The following LURAP1L variants were observed in gnomAD, a reference collection of about 807,000 sequenced individuals.
The protein encoded by LURAP1L is leucine rich adaptor protein 1 like, also known as leucine rich adaptor protein 1-like.
In LURAP1L, 12 loss-of-function variants were observed where a neutral mutation model predicts 13.8. That is an observed-to-expected ratio of 0.87 (90% CI 0.56 to 1.41). LURAP1L has a LOEUF of 1.41. Among genes scored for constraint, LURAP1L ranks in the 40% most tolerant of loss-of-function variants. The pLI, the probability that LURAP1L is intolerant of heterozygous loss-of-function variation, is 0.00. For missense variants in LURAP1L, 375 were observed against 292.9 expected (o/e 1.28, Z -2.04); for synonymous variants, 139 against 119.2 (o/e 1.17, Z -1.08).
intron 1 of LURAP1L, chr9:12,790,803 C>T (rs1054422030): frequency 2.7e-5 from 4 of 150,098 alleles, no homozygotes; most frequent in Admixed American, 2.7e-4. Context: ...TAGTTTTTGG[C>T]ATCTTCTTTT....
intron 1 of LURAP1L, among the ~76,000 whole-genome samples, chr9:12,778,155 A>C (rs1819217773): frequency 1.3e-5 from 2 of 152,118 alleles, no homozygotes; most frequent in African/African-American, 4.8e-5. Flanking sequence ...GAAGCTTCGT[A>C]AGCTTTGAAG....
At chr9:12,819,676 C>T (rs997059924) in intron 1 of LURAP1L, among the ~76,000 whole-genome samples, 8 of 152,090 alleles carry the variant, frequency 5.3e-5, no homozygotes, top group East Asian at 1.9e-4. Context: ...TAGAGAAGGC[C>T]GGACATGGTG....
intron 1 of LURAP1L, among the ~76,000 whole-genome samples, chr9:12,815,490 C>T (rs576139740): frequency 6.6e-6 from 1 of 152,082 alleles, no homozygotes; most frequent in Non-Finnish European, 1.5e-5. Flanking sequence ...CATTAAAAAG[C>T]AAGTCTAATC....
At chr9:12,779,860 C>T (rs1327059202) in intron 1 of LURAP1L, among the ~76,000 whole-genome samples, 1 of 152,156 alleles carries the variant, frequency 6.6e-6, no homozygotes, top group Non-Finnish European at 1.5e-5. Context: ...GAGGAACAAG[C>T]ACTAAACACA....
chr9:12,812,535 C>T (rs1188471971), intron 1 of LURAP1L, among the ~76,000 whole-genome samples: 3 of 152,114 alleles, frequency 2.0e-5, no homozygotes, highest in Admixed American at 2.0e-4. Flanking sequence ...AGTAAGTTTA[C>T]TAAAGCACTA....
intron 1 of LURAP1L, among the ~76,000 whole-genome samples, chr9:12,788,882 C>T (rs747123482): frequency 1.3e-4 from 20 of 149,864 alleles, no homozygotes; most frequent in Admixed American, 5.3e-4. Flanking sequence ...GGCAACAAAG[C>T]GAGACCCTAT....
chr9:12,783,663 T>C (rs1287610047), intron 1 of LURAP1L, among the ~76,000 whole-genome samples: 1 of 152,090 alleles, frequency 6.6e-6, no homozygotes, highest in Non-Finnish European at 1.5e-5. Context: ...CTATACTTTC[T>C]CTTTTTTTGA....
intron 1 of LURAP1L, among the ~76,000 whole-genome samples, chr9:12,792,823 C>A (rs570367676): frequency 3.3e-4 from 50 of 152,046 alleles, no homozygotes; most frequent in Non-Finnish European, 5.7e-4. Flanking sequence ...AGAAGTGAAA[C>A]AGAATTTTAC....
At chr9:12,810,131 A>G (rs1437941489) in intron 1 of LURAP1L, among the ~76,000 whole-genome samples, 2 of 152,162 alleles carry the variant, frequency 1.3e-5, no homozygotes, top group African/African-American at 4.8e-5. Context: ...GTCTGGATGT[A>G]TTTCAGAGCT....
At chr9:12,804,957 C>T (rs1421607362) in intron 1 of LURAP1L, among the ~76,000 whole-genome samples, 1 of 151,938 alleles carries the variant, frequency 6.6e-6, no homozygotes, top group African/African-American at 2.4e-5. Context: ...TTTACCGTGA[C>T]CACCCATATA....
intron 1 of LURAP1L, among the ~76,000 whole-genome samples, chr9:12,777,993 A>G (rs1189444414): frequency 6.6e-6 from 1 of 151,860 alleles, no homozygotes; most frequent in Non-Finnish European, 1.5e-5. Flanking sequence ...CACCAACCTA[A>G]TATTTATTAA....
intron 1 of LURAP1L, among the ~76,000 whole-genome samples, chr9:12,791,586 A>G (rs1319122385): frequency 6.6e-6 from 1 of 151,724 alleles, no homozygotes; most frequent in Non-Finnish European, 1.5e-5. Flanking sequence ...TATATCCCTT[A>G]TCCACATTCC....
At chr9:12,813,729 A>G (rs1194894143) in intron 1 of LURAP1L, among the ~76,000 whole-genome samples, 1 of 152,220 alleles carries the variant, frequency 6.6e-6, no homozygotes, top group Non-Finnish European at 1.5e-5. Flanking sequence ...TCATTGATGA[A>G]CCAGTAAAAT....
At chr9:12,797,534 C>G (rs1819525703) in intron 1 of LURAP1L, among the ~76,000 whole-genome samples, 1 of 152,060 alleles carries the variant, frequency 6.6e-6, no homozygotes, top group African/African-American at 2.4e-5. Context: ...ATTTTTAAAC[C>G]TGTATCTACC....
intron 1 of LURAP1L, among the ~76,000 whole-genome samples, chr9:12,798,321 A>G (rs1819537325): frequency 6.6e-6 from 1 of 152,162 alleles, no homozygotes; most frequent in South Asian, 2.1e-4. Flanking sequence ...AATCCTACCT[A>G]TAGTTGGTTG....
chr9:12,816,345 C>A (rs947397158), intron 1 of LURAP1L, among the ~76,000 whole-genome samples: 1 of 152,140 alleles, frequency 6.6e-6, no homozygotes, highest in Non-Finnish European at 1.5e-5. Context: ...CCATGGTTCA[C>A]TGCAGCTCGG....
intron 1 of LURAP1L, among the ~76,000 whole-genome samples, chr9:12,808,162 G>C (rs995212826): frequency 1.3e-5 from 2 of 151,204 alleles, no homozygotes; most frequent in Non-Finnish European, 2.9e-5. Flanking sequence ...CTTTCCTAAT[G>C]CTCTTCCATT....
chr9:12,815,603 T>C (rs1427703699), intron 1 of LURAP1L, among the ~76,000 whole-genome samples: 1 of 152,160 alleles, frequency 6.6e-6, no homozygotes, highest in East Asian at 1.9e-4. Flanking sequence ...ATCTTGAATA[T>C]TGTGGATTTT....
At chr9:12,793,109 T>A (rs1198117815) in intron 1 of LURAP1L, among the ~76,000 whole-genome samples, 1 of 151,972 alleles carries the variant, frequency 6.6e-6, no homozygotes, top group Non-Finnish European at 1.5e-5. Flanking sequence ...TTAGTAGGGG[T>A]CAAACTTATA....
Sources: gnomAD v4.1 joint callset for allele counts (sites outside exome capture counted in the v4.1 genomes callset) on GRCh38, gnomAD v4.1.1 for gene constraint, MANE v1.5 for transcripts, NCBI Gene and HGNC (gene_info 2026-07-23, HGNC 2026-07-21) for gene names.